The following RBFOX1 variants were observed in gnomAD, a reference collection of about 807,000 sequenced individuals.
The protein encoded by RBFOX1 is RNA binding protein fox-1 homolog 1.
In RBFOX1, 8 loss-of-function variants were observed where a neutral mutation model predicts 57.7. That is an observed-to-expected ratio of 0.14 (90% CI 0.08 to 0.25). The LOEUF is 0.25. Ranked by LOEUF, RBFOX1 falls within the 10% of genes least tolerant of loss-of-function variation. The probability of loss-of-function intolerance (pLI) is 1.00; values close to 1 mark genes in which losing one functional copy is unlikely to be tolerated. For missense variants in RBFOX1, 611 were observed against 548.5 expected, an observed-to-expected ratio of 1.11 and a Z score of -1.14; for synonymous variants, 326 against 222.4, an observed-to-expected ratio of 1.47 and a Z score of -4.15.
chr16:7,056,521 C>A (rs766912195), intron 4 of RBFOX1, among the ~76,000 whole-genome samples: 1 of 152,152 alleles, frequency 6.6e-6, no homozygotes, highest in Non-Finnish European at 1.5e-5. Context: ...ATCCAATTAT[C>A]AACATTTACC....
chr16:6,011,557 A>G (rs1291033607), intron 4 of RBFOX1, among the ~76,000 whole-genome samples: 1 of 152,176 alleles, frequency 6.6e-6, no homozygotes, highest in Non-Finnish European at 1.5e-5. Context: ...ACTGCCGTGT[A>G]GGCTTCTCTG....
At chr16:6,479,247 T>A (rs909589147) in intron 2 of RBFOX1, among the ~76,000 whole-genome samples, 1 of 152,122 alleles carries the variant, frequency 6.6e-6, no homozygotes, top group African/African-American at 2.4e-5. Context: ...CAGGAAACTT[T>A]CAATTATGGC....
intron 1 of RBFOX1, among the ~76,000 whole-genome samples, chr16:5,422,390 G>T (rs1408406853): frequency 1.5e-5 from 2 of 132,844 alleles, no homozygotes; most frequent in Non-Finnish European, 3.3e-5. Context: ...GAGAAATGAG[G>T]AGGAGGGAAG....
At chr16:5,289,419 G>C in intron 1 of RBFOX1, 1 of 302,810 alleles carries the variant, frequency 3.3e-6, no homozygotes, top group Non-Finnish European at 6.4e-6. Context: ...ACCGAGATGT[G>C]CGAGAAGTAT....
chr16:7,039,339 G>C (rs112061694), intron 3 of RBFOX1, among the ~76,000 whole-genome samples: 8 of 152,266 alleles, frequency 5.3e-5, no homozygotes, highest in African/African-American at 1.9e-4. Context: ...TTCAAAACCA[G>C]ACAAGATTTT....
At chr16:6,479,035 T>G (rs906900966) in intron 2 of RBFOX1, among the ~76,000 whole-genome samples, 2 of 152,178 alleles carry the variant, frequency 1.3e-5, no homozygotes, top group African/African-American at 4.8e-5. Flanking sequence ...TTGTACAAAA[T>G]GCAATATCTG....
chr16:6,974,171 A>C (rs923259646), intron 3 of RBFOX1, among the ~76,000 whole-genome samples: 4 of 151,930 alleles, frequency 2.6e-5, no homozygotes, highest in African/African-American at 9.7e-5. Context: ...TTATTAATCC[A>C]GTCTATCATT....
At chr16:6,926,057 G>A (rs563036953) in intron 3 of RBFOX1, among the ~76,000 whole-genome samples, 5 of 152,178 alleles carry the variant, frequency 3.3e-5, no homozygotes, top group African/African-American at 1.2e-4. Context: ...GTTAGTCCCA[G>A]CACTTTGGGA....
intron 1 of RBFOX1, among the ~76,000 whole-genome samples, chr16:6,083,487 TG>T (rs1213701195): frequency 6.6e-6 from 1 of 152,188 alleles, no homozygotes; most frequent in East Asian, 1.9e-4. Flanking sequence ...GTTTTGGTTT[TG>T]GTTTTTGAGA....
chr16:7,018,412 G>T (rs1467116324), intron 3 of RBFOX1, among the ~76,000 whole-genome samples: 1 of 152,050 alleles, frequency 6.6e-6, no homozygotes, highest in African/African-American at 2.4e-5. Context: ...TGTGTGCGTG[G>T]GTGTTCATGA....
At chr16:7,193,715 G>A (rs1051083075) in intron 4 of RBFOX1, among the ~76,000 whole-genome samples, 3 of 152,194 alleles carry the variant, frequency 2.0e-5, no homozygotes, top group East Asian at 3.9e-4. Flanking sequence ...TGCTTAGTCA[G>A]AAATACAGAG....
intron 3 of RBFOX1, among the ~76,000 whole-genome samples, chr16:5,758,040 C>T (rs1008772001): frequency 1.3e-4 from 20 of 152,160 alleles, no homozygotes; most frequent in Non-Finnish European, 2.5e-4. Context: ...TTGCAGCAAC[C>T]TGGGGTTGGA....
intron 3 of RBFOX1, among the ~76,000 whole-genome samples, chr16:6,780,444 A>T (rs2080752040): frequency 8.8e-6 from 1 of 113,336 alleles, no homozygotes; most frequent in African/African-American, 3.6e-5. Flanking sequence ...AGATATATTT[A>T]TATATACATT....
At chr16:6,324,061 C>T (rs916980378) in intron 2 of RBFOX1, among the ~76,000 whole-genome samples, 1 of 152,190 alleles carries the variant, frequency 6.6e-6, no homozygotes, top group African/African-American at 2.4e-5. Flanking sequence ...GGATGAGCCA[C>T]CATACTCAGC....
At chr16:7,207,077 G>C (rs1481790515) in intron 4 of RBFOX1, among the ~76,000 whole-genome samples, 1 of 152,156 alleles carries the variant, frequency 6.6e-6, no homozygotes, top group Admixed American at 6.5e-5. Flanking sequence ...ATGTGTAGGT[G>C]CTTTTGTACA....
intron 1 of RBFOX1, among the ~76,000 whole-genome samples, chr16:6,153,244 A>T (rs1375557778): frequency 6.6e-6 from 1 of 152,000 alleles, no homozygotes; most frequent in East Asian, 1.9e-4. Context: ...CAGCATTCCT[A>T]TTTCCTCCAA....
At chr16:5,331,258 G>C (rs1382746843) in intron 1 of RBFOX1, among the ~76,000 whole-genome samples, 1 of 152,246 alleles carries the variant, frequency 6.6e-6, no homozygotes, top group Non-Finnish European at 1.5e-5. Flanking sequence ...TTCATCACCA[G>C]ATGGTTGTCA....
chr16:6,456,200 A>G (rs1249983388), intron 2 of RBFOX1, among the ~76,000 whole-genome samples: 1 of 152,198 alleles, frequency 6.6e-6, no homozygotes, highest in Non-Finnish European at 1.5e-5. Context: ...GTCCTTTCAG[A>G]TAGAAGAATT....
chr16:6,808,812 T>A (rs575778407), intron 3 of RBFOX1, among the ~76,000 whole-genome samples: 18 of 152,248 alleles, frequency 1.2e-4, no homozygotes, highest in African/African-American at 4.3e-4. Flanking sequence ...TAACATACAA[T>A]ATCTCTAATT....
Sources: gnomAD v4.1 joint callset for allele counts (sites outside exome capture counted in the v4.1 genomes callset) on GRCh38, gnomAD v4.1.1 for gene constraint, MANE v1.5 for transcripts, NCBI Gene and HGNC (gene_info 2026-07-23, HGNC 2026-07-21) for gene names.